The following ME3 variants were observed in gnomAD, a reference collection of about 807,000 sequenced individuals.
ME3 encodes the protein NADP-dependent malic enzyme, mitochondrial.
Under a neutral mutation model 68.9 loss-of-function variants are expected in ME3, and 48 were observed. That is an observed-to-expected ratio of 0.70 (90% CI 0.55 to 0.89). The LOEUF is 0.89. Ranked by LOEUF, ME3 falls within the 40% of genes least tolerant of loss-of-function variation. The pLI, the probability that ME3 is intolerant of heterozygous loss-of-function variation, is 0.00. For synonymous variants in ME3, 320 were observed against 318.8 expected (o/e 1.00, Z -0.04); for missense variants, 675 against 797.4 (o/e 0.85, Z 1.85).
chr11:86,600,395 G>T (rs938273451), intron 2 of ME3, among the ~76,000 whole-genome samples: 1 of 152,176 alleles, frequency 6.6e-6, no homozygotes, highest in Non-Finnish European at 1.5e-5. Context: ...TCAACAAGAA[G>T]AGCTAAATAT....
intron 4 of ME3, among the ~76,000 whole-genome samples, chr11:86,522,594 C>T (rs1377700807): frequency 2.0e-5 from 3 of 151,926 alleles, no homozygotes; most frequent in Admixed American, 6.6e-5. Context: ...TGTGTTTTCA[C>T]TGTTCAACTC....
chr11:86,572,891 C>T (rs533544386), intron 2 of ME3, among the ~76,000 whole-genome samples: 1 of 152,282 alleles, frequency 6.6e-6, no homozygotes, highest in African/African-American at 2.4e-5. Flanking sequence ...TTTGCAATCC[C>T]ACCAACAGTG....
chr11:86,655,850 C>T (rs1945830071), intron 2 of ME3, among the ~76,000 whole-genome samples: 1 of 152,064 alleles, frequency 6.6e-6, no homozygotes, highest in Non-Finnish European at 1.5e-5. Context: ...ACCTACTCAT[C>T]TGACAAAGGG....
In ME3 at chr11:86,517,497, C is replaced by T. The variant is rs138051797; in HGVS notation, c.468-8630G>A. 6.8e-3 allele frequency among the ~76,000 whole-genome samples: 1,035 copies of T among 152,202 alleles called. 11 individuals carry two copies. Among genetic ancestry groups the T allele is most frequent in the African/African-American group, 0.024 (996 of 41,526 alleles). On this transcript the variant is annotated intron_variant, in intron 4 of 14. Coordinates refer to ENST00000543262, the Ensembl canonical transcript of ME3. ...CATTTTGTTTGTTCAATAAAGATGT[C>T]CAGAGATGCTCAGTTCCAATTTAAT...
At chr11:86,469,164 G>A (rs1197323670) in intron 7 of ME3, among the ~76,000 whole-genome samples, 5 of 152,232 alleles carry the variant, frequency 3.3e-5, no homozygotes, top group Non-Finnish European at 5.9e-5. Flanking sequence ...CAGAAAAAAT[G>A]CAGGAGTCTT....
intron 2 of ME3, among the ~76,000 whole-genome samples, chr11:86,629,331 C>A (rs1250065926): frequency 6.6e-6 from 1 of 151,798 alleles, no homozygotes; most frequent in South Asian, 2.1e-4. Context: ...ATGCAGGGCT[C>A]GTACTCATTT....
intron 8 of ME3, among the ~76,000 whole-genome samples, chr11:86,454,478 C>A (rs1185929345): frequency 6.6e-6 from 1 of 152,218 alleles, no homozygotes; most frequent in Non-Finnish European, 1.5e-5. Context: ...TAAAAATGAT[C>A]ATCATGAATA....
intron 4 of ME3, among the ~76,000 whole-genome samples, chr11:86,549,246 T>G (rs1956540130): frequency 6.6e-6 from 1 of 152,200 alleles, no homozygotes; most frequent in Non-Finnish European, 1.5e-5. Flanking sequence ...TGTAAAGTTT[T>G]GACCAGGAAC....
intron 2 of ME3, among the ~76,000 whole-genome samples, chr11:86,596,018 C>A (rs548223108): frequency 6.6e-6 from 1 of 152,318 alleles, no homozygotes; most frequent in East Asian, 1.9e-4. Flanking sequence ...TCCCACAATC[C>A]CAGGCTTTGG....
chr11:86,597,799 A>G (rs10792863), intron 2 of ME3, among the ~76,000 whole-genome samples: 26,187 of 151,876 alleles, frequency 0.17, 2,570 homozygotes, highest in East Asian at 0.39. Flanking sequence ...GCTTGGTTTT[A>G]TACATTCTAG....
chr11:86,514,932 G>T (rs1953788490), intron 4 of ME3, among the ~76,000 whole-genome samples: 1 of 152,172 alleles, frequency 6.6e-6, no homozygotes, highest in African/African-American at 2.4e-5. Context: ...GAGATATTTG[G>T]CTCATAGTAA....
intron 2 of ME3, among the ~76,000 whole-genome samples, chr11:86,621,194 T>C (rs937911914): frequency 1.3e-5 from 2 of 152,234 alleles, no homozygotes; most frequent in African/African-American, 4.8e-5. Flanking sequence ...GTTTGCCAAC[T>C]TGAAATATTT....
chr11:86,564,535 G>A lies in ME3; in HGVS notation c.184-4712C>T, dbSNP rs537480479. ...GTAAATGGAATAGAATAAAGAGTTCGTAAATAAACTCATACATCTATGGCA... is the reference window on the plus strand; with the variant it reads ...GTAAATGGAATAGAATAAAGAGTTCATAAATAAACTCATACATCTATGGCA... On this transcript the variant is annotated intron_variant, in intron 2 of 14. Transcript: ENST00000543262. Among the ~76,000 whole-genome samples the A allele has an allele frequency of 4.1e-4, 62 of 150,896 alleles. No individual in the cohort carries two copies. In the South Asian group the frequency reaches 9.4e-3, roughly 23 times the overall value.
At chr11:86,650,927 A>G (rs1333941055) in intron 2 of ME3, among the ~76,000 whole-genome samples, 2 of 152,214 alleles carry the variant, frequency 1.3e-5, no homozygotes, top group Admixed American at 1.3e-4. Flanking sequence ...GTCTTAGCCA[A>G]CGGCACACCA....
At chr11:86,616,769 G>A (rs895982119) in intron 2 of ME3, among the ~76,000 whole-genome samples, 1 of 152,154 alleles carries the variant, frequency 6.6e-6, no homozygotes, top group African/African-American at 2.4e-5. Flanking sequence ...ATAACCCAGA[G>A]GGGATGAGGA....
At chr11:86,594,707 C>CA (rs1221270817) in intron 2 of ME3, among the ~76,000 whole-genome samples, 1 of 145,272 alleles carries the variant, frequency 6.9e-6, no homozygotes, top group Non-Finnish European at 1.5e-5. Flanking sequence ...CACAAAAAAA[C>CA]AAAAAAACGA....
Position 86,474,907 on chromosome 11 carries a change from G to A in ME3, c.810-9707C>T, listed in dbSNP as rs150379886. ...AGTTTATAAATTCCTTGACAGCAAAGTCTACTTCTGACTTCTTGCCATATT... is the reference window on the plus strand; with the variant it reads ...AGTTTATAAATTCCTTGACAGCAAAATCTACTTCTGACTTCTTGCCATATT... On this transcript the variant is annotated intron_variant, in intron 7 of 14. Transcript: ENST00000543262. Among the ~76,000 whole-genome samples, 4 of 152,310 alleles carry A rather than the reference G, an allele frequency of 2.6e-5. No homozygotes were observed. In the East Asian group the frequency reaches 5.8e-4, roughly 22 times the overall value.
intron 2 of ME3, among the ~76,000 whole-genome samples, chr11:86,582,666 A>G (rs1252897475): frequency 1.3e-5 from 2 of 152,208 alleles, no homozygotes; most frequent in Admixed American, 1.3e-4. Context: ...TAATGTAATT[A>G]TCTATTAATG....
chr11:86,499,187 G>T (rs1952558666), intron 5 of ME3, among the ~76,000 whole-genome samples: 1 of 152,138 alleles, frequency 6.6e-6, no homozygotes, highest in Non-Finnish European at 1.5e-5. Context: ...CAGGGTAGAG[G>T]TGCTGGGGGT....
Sources: gnomAD v4.1 joint callset for allele counts (sites outside exome capture counted in the v4.1 genomes callset) on GRCh38, gnomAD v4.1.1 for gene constraint, MANE v1.5 for transcripts, NCBI Gene and HGNC (gene_info 2026-07-23, HGNC 2026-07-21) for gene names.